PCDHA6: variants seen among roughly 807,000 people sequenced by gnomAD.
PCDHA6 encodes protocadherin alpha-6.
PCDHA6 carries 55 observed loss-of-function variants against 60.3 expected under a neutral mutation model. The observed-to-expected ratio is 0.91, with a 90% confidence interval of 0.73 to 1.14. PCDHA6 has a LOEUF of 1.14. Among genes scored for constraint, PCDHA6 ranks in the 50% most tolerant of loss-of-function variants. The pLI is 0.00. For missense variants in PCDHA6, 1,327 were observed against 1,256.5 expected, an observed-to-expected ratio of 1.06 and a Z score of -0.85; for synonymous variants, 652 against 557.9, an observed-to-expected ratio of 1.17 and a Z score of -2.38.
At chr5:140,920,841 T>TAAAAA (rs781921146) in intron 1 of PCDHA6, among the ~76,000 whole-genome samples, 2 of 109,230 alleles carry the variant, frequency 1.8e-5, no homozygotes, top group Non-Finnish European at 1.9e-5. Flanking sequence ...AGACCAAATC[T>TAAAAA]AAAAAAAAAA....
intron 1 of PCDHA6, chr5:140,858,898 G>A (rs1260279768): frequency 4.9e-6 from 1 of 204,806 alleles, no homozygotes; most frequent in East Asian, 1.4e-4. Context: ...AATATGTGTA[G>A]CGTACCACAG....
rs2150260681 is a variant in PCDHA6 at position 140,836,426 on chromosome 5, G to A, written c.2394+5941G>A. The stretch of plus-strand genomic sequence containing the variant: ...GCCAGGCACCAAAGGCGTCGTCGCG[G>A]GCATCGTTGGGCATTGCAGGCCCAG... On this transcript the variant is annotated intron_variant, in intron 1 of 3. Transcript: ENST00000529310. 2.7e-5 allele frequency: 44 copies of A among 1,613,710 alleles called. 1 individual carries two copies. The highest frequency in any genetic ancestry group is 3.5e-5 in the Non-Finnish European group (41 of 1,179,868).
chr5:140,971,599 A>G (rs891227830), intron 1 of PCDHA6, among the ~76,000 whole-genome samples: 1 of 152,140 alleles, frequency 6.6e-6, no homozygotes, highest in African/African-American at 2.4e-5. Flanking sequence ...GTTACTACAG[A>G]TGGCAGGAGA....
chr5:140,842,034 A>G, intron 1 of PCDHA6: 1 of 1,613,854 alleles, frequency 6.2e-7, no homozygotes, highest in Non-Finnish European at 8.5e-7. Context: ...GTGAATGATA[A>G]TGCTCCCACT....
chr5:140,883,091 G>T, intron 1 of PCDHA6: 1 of 1,614,112 alleles, frequency 6.2e-7, no homozygotes, highest in Non-Finnish European at 8.5e-7. Context: ...TGGTACAAAT[G>T]GAGATATAGT....
At chr5:140,970,280 C>G (rs1445871505) in intron 1 of PCDHA6, among the ~76,000 whole-genome samples, 3 of 152,138 alleles carry the variant, frequency 2.0e-5, no homozygotes, top group East Asian at 1.9e-4. Flanking sequence ...TGTAAAGTAG[C>G]CTTTTCAAGT....
At chr5:140,863,267 C>T in intron 1 of PCDHA6, 1 of 1,457,902 alleles carries the variant, frequency 6.9e-7, no homozygotes, top group Non-Finnish European at 9.3e-7. Flanking sequence ...CGGGAGGCAG[C>T]GCTGGTGGAT....
At chr5:141,001,997 C>G (rs2098052259) in intron 3 of PCDHA6, among the ~76,000 whole-genome samples, 1 of 152,190 alleles carries the variant, frequency 6.6e-6, no homozygotes, top group Admixed American at 6.5e-5. Context: ...AGTTCACTTG[C>G]AAACACAGAA....
intron 1 of PCDHA6, among the ~76,000 whole-genome samples, chr5:140,923,066 C>G (rs1050883797): frequency 6.6e-6 from 1 of 152,198 alleles, no homozygotes; most frequent in African/African-American, 2.4e-5. Flanking sequence ...AGAGCTAGGT[C>G]TCCTCATGTC....
chr5:140,835,333 A>C (rs1355221277), intron 1 of PCDHA6: 6 of 1,613,618 alleles, frequency 3.7e-6, no homozygotes, highest in Non-Finnish European at 5.1e-6. Context: ...AGAGCACACA[A>C]GATCCCAGTC....
At chr5:140,842,163 T>G (rs1777744239) in intron 1 of PCDHA6, 1 of 1,613,748 alleles carries the variant, frequency 6.2e-7, no homozygotes, top group African/African-American at 1.3e-5. Context: ...TCATATTCTT[T>G]TAATAGCCTT....
intron 1 of PCDHA6, chr5:140,929,119 G>T (rs2085835460): frequency 1.2e-6 from 2 of 1,614,192 alleles, no homozygotes; most frequent in Non-Finnish European, 1.7e-6. Context: ...AGCCACCATA[G>T]ATGTCACTAC....
chr5:140,995,685 T>C (rs951521178), intron 3 of PCDHA6, among the ~76,000 whole-genome samples: 8 of 152,186 alleles, frequency 5.3e-5, no homozygotes, highest in African/African-American at 1.9e-4. Flanking sequence ...TTTTTTTTAA[T>C]TGTTAAATAA....
At chr5:140,857,656 G>A (rs1269090821) in intron 1 of PCDHA6, 4 of 1,596,690 alleles carry the variant, frequency 2.5e-6, no homozygotes, top group Admixed American at 3.4e-5. Flanking sequence ...AGGTGAGCGC[G>A]CGCGATGGGG....
At chr5:140,962,438 GATGGCTTGAATCTCTT>G (rs1298191516) in intron 1 of PCDHA6, among the ~76,000 whole-genome samples, 11 of 152,108 alleles carry the variant, frequency 7.2e-5, no homozygotes, top group East Asian at 5.8e-4. Flanking sequence ...CTTATCCAAA[GATGGCTTGAATCTCTT>G]ATGGCTTGAA....
intron 1 of PCDHA6, among the ~76,000 whole-genome samples, chr5:140,957,226 C>T (rs1421287024): frequency 1.3e-5 from 2 of 152,080 alleles, no homozygotes; most frequent in African/African-American, 4.8e-5. Context: ...TTTGGCGAAG[C>T]ATTTTGGCAT....
intron 1 of PCDHA6, chr5:140,843,459 T>C (rs2150360511): frequency 2.5e-6 from 4 of 1,596,020 alleles, no homozygotes; most frequent in Non-Finnish European, 3.4e-6. Context: ...CTGCTGGTGC[T>C]CACGCTGCTG....
intron 1 of PCDHA6, among the ~76,000 whole-genome samples, chr5:140,947,805 G>T (rs1474604810): frequency 6.6e-6 from 1 of 151,504 alleles, no homozygotes; most frequent in Non-Finnish European, 1.5e-5. Flanking sequence ...TTAATTTGCA[G>T]AGACTATTTC....
chr5:140,877,341 C>G, intron 1 of PCDHA6: 3 of 1,614,010 alleles, frequency 1.9e-6, no homozygotes, highest in South Asian at 2.2e-5. Flanking sequence ...TCCCGTTCCA[C>G]GTGGGGCTGT....
Sources: allele counts gnomAD v4.1 joint callset (sites outside exome capture counted in the v4.1 genomes callset), GRCh38; gene constraint gnomAD v4.1.1; transcripts MANE v1.5; gene names NCBI Gene and HGNC (gene_info 2026-07-23, HGNC 2026-07-21).